RANBP17: variants seen among roughly 807,000 people sequenced by gnomAD.
RANBP17 encodes the protein ran-binding protein 17.
RANBP17 carries 158 observed loss-of-function variants against 141.2 expected under a neutral mutation model. The observed-to-expected ratio is 1.12, with a 90% CI of 0.98 to 1.28. RANBP17 has a LOEUF of 1.28. RANBP17 is among the 50% of genes most tolerant of loss of function. RANBP17 has a pLI of 0.00. For missense variants in RANBP17, 1,438 were observed against 1,290.7 expected (o/e 1.11, Z -1.75); for synonymous variants, 430 against 450.0 (o/e 0.96, Z 0.56).
rs574079699 is a variant in RANBP17 at position 171,015,491 on chromosome 5, G to A, written c.1710+47114G>A. 2.6e-5 allele frequency among the ~76,000 whole-genome samples: 4 copies of A among 152,044 alleles called. No homozygotes were observed. In the South Asian group the frequency reaches 8.3e-4, roughly 32 times the overall value. On this transcript the variant is annotated intron_variant, in intron 14 of 27. Transcript: ENST00000523189. The stretch of plus-strand genomic sequence containing the variant: ...CTTCTCAGGCAGTCTGGTTTGGGCT[G>A]TTTTTATATTTTCTATGTCTCTAAA...
At chr5:170,892,129 CTT>C (rs143842890) in intron 3 of RANBP17, among the ~76,000 whole-genome samples, 87,284 of 131,562 alleles carry the variant, frequency 0.66, 28,060 homozygotes, top group South Asian at 0.88. Flanking sequence ...TCACAAAATT[CTT>C]TTTTTTTTTT....
At chr5:171,037,248 C>T (rs980459000) in intron 14 of RANBP17, among the ~76,000 whole-genome samples, 1 of 151,998 alleles carries the variant, frequency 6.6e-6, no homozygotes, top group East Asian at 1.9e-4. Context: ...TATATGTCTT[C>T]TTTTGAGAAG....
chr5:171,091,526 G>A (rs1039644595), intron 14 of RANBP17, among the ~76,000 whole-genome samples: 4 of 152,152 alleles, frequency 2.6e-5, no homozygotes, highest in African/African-American at 2.4e-5. Flanking sequence ...GGGGACTGTT[G>A]GGAAGGCATG....
At chr5:171,039,644 A>G (rs1357380047) in intron 14 of RANBP17, among the ~76,000 whole-genome samples, 1 of 152,078 alleles carries the variant, frequency 6.6e-6, no homozygotes, top group Non-Finnish European at 1.5e-5. Context: ...CTAAGAAAGA[A>G]AAAAGAGAGA....
At chr5:170,908,451 G>A (rs1276381133) in intron 5 of RANBP17, among the ~76,000 whole-genome samples, 2 of 151,616 alleles carry the variant, frequency 1.3e-5, no homozygotes, top group Non-Finnish European at 2.9e-5. Flanking sequence ...CTTCCAGTAG[G>A]AGTTAAACAC....
intron 5 of RANBP17, 47 bp from the exon 6 acceptor site, chr5:170,909,614 G>C (rs544005498): frequency 3.0e-6 from 1 of 331,886 alleles, no homozygotes; most frequent in Non-Finnish European, 4.8e-6. Context: ...ATTTTGGTTT[G>C]CTTTTTCATA....
chr5:170,899,854 C>G (rs1006388554), intron 5 of RANBP17, among the ~76,000 whole-genome samples: 1 of 152,164 alleles, frequency 6.6e-6, no homozygotes. Context: ...GTTTGCATCC[C>G]AGAGATAAAG....
intron 14 of RANBP17, chr5:171,028,945 C>CTGA: frequency 7.8e-7 from 1 of 1,288,386 alleles, no homozygotes; most frequent in South Asian, 1.2e-5. Flanking sequence ...TGAGAACGAT[C>CTGA]TGATTCATCA....
At chr5:170,969,152 G>A (rs1776806135) in intron 14 of RANBP17, among the ~76,000 whole-genome samples, 1 of 151,608 alleles carries the variant, frequency 6.6e-6, no homozygotes, top group Admixed American at 6.6e-5. Context: ...AGGATTTTCT[G>A]ATAATAATAA....
At chr5:171,100,180 T>C (rs1379030700) in intron 14 of RANBP17, among the ~76,000 whole-genome samples, 1 of 152,230 alleles carries the variant, frequency 6.6e-6, no homozygotes, top group African/African-American at 2.4e-5. Context: ...GAAGGAATGG[T>C]ACCAGCTCCT....
intron 14 of RANBP17, among the ~76,000 whole-genome samples, chr5:171,026,518 A>G (rs974651366): frequency 2.0e-5 from 3 of 152,156 alleles, no homozygotes; most frequent in Non-Finnish European, 4.4e-5. Flanking sequence ...CCTTTAACAG[A>G]AGAGTTTAAA....
rs571839464 is a variant in RANBP17 at position 171,090,812 on chromosome 5, C to T, written c.1711-79318C>T. ...AGAGGGTGGAAGCCCCAAGCCTTGGCGACTTCCACATAGTGTTGAGCCTGC... is the reference window on the plus strand; with the variant it reads ...AGAGGGTGGAAGCCCCAAGCCTTGGTGACTTCCACATAGTGTTGAGCCTGC... On this transcript the variant is annotated intron_variant, in intron 14 of 27. Coordinates refer to ENST00000523189, the MANE Select transcript of RANBP17 (RefSeq NM_022897.5). 1.9e-3 allele frequency among the ~76,000 whole-genome samples: 290 copies of T among 152,272 alleles called. 2 individuals carry two copies. The highest frequency in any genetic ancestry group is 6.6e-3 in the African/African-American group (275 of 41,554).
intron 14 of RANBP17, among the ~76,000 whole-genome samples, chr5:171,032,091 T>C (rs1781582792): frequency 6.6e-6 from 1 of 152,146 alleles, no homozygotes; most frequent in Non-Finnish European, 1.5e-5. Flanking sequence ...TGTTATCTCT[T>C]GCAGACCTTC....
intron 12 of RANBP17, among the ~76,000 whole-genome samples, chr5:170,943,833 A>G (rs1244521135): frequency 6.6e-5 from 10 of 152,126 alleles, no homozygotes; most frequent in East Asian, 1.9e-4. Flanking sequence ...CAGTCAGCCA[A>G]ATTATCCTAT....
intron 14 of RANBP17, among the ~76,000 whole-genome samples, chr5:170,988,274 A>G (rs1033903857): frequency 1.3e-5 from 2 of 150,760 alleles, no homozygotes; most frequent in African/African-American, 4.9e-5. Context: ...GAGTAATTAT[A>G]GTTTGATGAT....
intron 6 of RANBP17, chr5:170,910,512 G>C (rs1771442495): frequency 1.3e-5 from 2 of 156,812 alleles, no homozygotes; most frequent in African/African-American, 4.8e-5. Flanking sequence ...CAGTTAACCT[G>C]TCAGCCAGTT....
chr5:170,894,324 G>A (rs1561863356), intron 4 of RANBP17, among the ~76,000 whole-genome samples: 1 of 151,894 alleles, frequency 6.6e-6, no homozygotes, highest in Non-Finnish European at 1.5e-5. Context: ...AATTCTTGTT[G>A]GCTAACATTT....
intron 16 of RANBP17, among the ~76,000 whole-genome samples, chr5:171,182,332 C>G (rs1223360966): frequency 6.6e-6 from 1 of 152,180 alleles, no homozygotes; most frequent in Non-Finnish European, 1.5e-5. Flanking sequence ...GAATCCACAT[C>G]ATACCTGAAA....
chr5:171,299,151 A>G lies in RANBP17; in HGVS notation c.*293A>G, dbSNP rs1769000406. 3 of 310,992 alleles carry G rather than the reference A, an allele frequency of 9.6e-6. No homozygotes were observed. In the South Asian group the frequency reaches 2.2e-4, roughly 23 times the overall value. 19.3% of individuals were successfully genotyped at this position (310,992 alleles called of 1,614,324 possible). ...GGATGTAGAAACAATATTTAACCAA[A>G]GAACGTAATAAACCAGGTTTGCACC... On this transcript the variant is annotated 3_prime_UTR_variant, in exon 28 of 28. Coordinates refer to ENST00000523189, the MANE Select transcript of RANBP17 (RefSeq NM_022897.5).
Sources: gnomAD v4.1 joint callset for allele counts (sites outside exome capture counted in the v4.1 genomes callset) on GRCh38, gnomAD v4.1.1 for gene constraint, MANE v1.5 for transcripts, NCBI Gene and HGNC (gene_info 2026-07-23, HGNC 2026-07-21) for gene names.